Variants in GOT1 observed in about 807,000 individuals in gnomAD.
The protein encoded by GOT1 is aspartate aminotransferase, cytoplasmic.
In GOT1, 25 loss-of-function variants were observed where a neutral mutation model predicts 48.2. The observed-to-expected ratio is 0.52, with a 90% CI of 0.38 to 0.72. The LOEUF (loss-of-function observed/expected upper bound fraction) is 0.72, where lower values mean the gene tolerates loss of function less well. GOT1 is among the 30% of genes least tolerant of loss of function. The probability of loss-of-function intolerance (pLI) is 0.00; values close to 1 mark genes in which losing one functional copy is unlikely to be tolerated. For missense variants in GOT1, 380 were observed against 520.1 expected, an observed-to-expected ratio of 0.73 and a Z score of 2.62; for synonymous variants, 188 against 193.8, an observed-to-expected ratio of 0.97 and a Z score of 0.25.
At position 99,398,632 on chromosome 10, in the gene GOT1, C is replaced by G. The variant is rs189134022; in HGVS notation, c.1103-946G>C. ...GTTGCAGTGAGCCGAGATCACACCA[C>G]TGCACTCCAGCCTGGGTGACAGAGT... On this transcript the variant is annotated intron_variant, in intron 8 of 8. Coordinates refer to ENST00000370508, the MANE Select transcript of GOT1 (RefSeq NM_002079.3). Among the ~76,000 whole-genome samples the G allele has an allele frequency of 3.5e-4, 53 of 152,078 alleles. 1 individual carries two copies. In the East Asian group the frequency reaches 6.2e-3, roughly 18 times the overall value.
At chr10:99,399,197 G>C (rs2032639424) in intron 8 of GOT1, among the ~76,000 whole-genome samples, 1 of 152,176 alleles carries the variant, frequency 6.6e-6, no homozygotes, top group Non-Finnish European at 1.5e-5. Flanking sequence ...GCCCTCCCTT[G>C]TCCAGATCTA....
chr10:99,397,747 T>C lies in GOT1; in HGVS notation c.1103-61A>G. ...AGGGGATCCTTAAAGCAGTGGAGGC[T>C]CAGCAATTATATGACAATTACAGCT... On this transcript the variant is annotated intron_variant, in intron 8 of 8. Transcript: ENST00000370508. The surrounding 1 kb of genome is among the most constrained non-coding windows in gnomAD (Gnocchi z 5.4). 2.7e-6 allele frequency: 4 copies of C among 1,483,832 alleles called. No individual in the cohort carries two copies. The highest frequency in any genetic ancestry group is 1.7e-4 in the Middle Eastern group (1 of 5,764). 91.9% of individuals were successfully genotyped at this position (1,483,832 alleles called of 1,614,324 possible).
intron 1 of GOT1, 84 bp downstream of exon 1, chr10:99,430,364 C>T: frequency 6.2e-7 from 1 of 1,607,626 alleles, no homozygotes; most frequent in Non-Finnish European, 8.5e-7. Context: ...CACTGGGCCT[C>T]GGCTTCTCCC....
Position 99,402,733 on chromosome 10 carries a change from G to A in GOT1, c.960-11C>T. 1 of 1,611,722 alleles carries A rather than the reference G, an allele frequency of 6.2e-7. No individual in the cohort carries two copies. On this transcript the variant is annotated splice_polypyrimidine_tract_variant and intron_variant, in intron 7 of 8. Coordinates refer to ENST00000370508, the MANE Select transcript of GOT1 (RefSeq NM_002079.3). ...TTCACATTACCTGTCCTGAAGCATG[G>A]ACAGTGACGTAAATACCAATCCAGA...
At chr10:99,417,481 G>A (rs955653995) in intron 2 of GOT1, among the ~76,000 whole-genome samples, 2 of 152,208 alleles carry the variant, frequency 1.3e-5, no homozygotes, top group Non-Finnish European at 2.9e-5. Context: ...CACTGTTGGT[G>A]GGACTGTAAA....
At chr10:99,417,652 C>A (rs2032913138) in intron 2 of GOT1, among the ~76,000 whole-genome samples, 1 of 152,156 alleles carries the variant, frequency 6.6e-6, no homozygotes, top group Admixed American at 6.5e-5. Flanking sequence ...CAGCACTATT[C>A]ACAATAGCAA....
At chr10:99,427,565 G>A (rs1386368293) in intron 1 of GOT1, among the ~76,000 whole-genome samples, 4 of 152,182 alleles carry the variant, frequency 2.6e-5, no homozygotes, top group Admixed American at 2.0e-4. Flanking sequence ...CACCATGCCT[G>A]GCCCAGTAGA....
chr10:99,424,137 G>C (rs1006323780), intron 1 of GOT1, among the ~76,000 whole-genome samples: 7 of 152,248 alleles, frequency 4.6e-5, no homozygotes, highest in East Asian at 1.9e-4. Context: ...TGATCACAAC[G>C]TTACCATTGT....
intron 1 of GOT1, among the ~76,000 whole-genome samples, chr10:99,427,393 C>A (rs1450481435): frequency 6.6e-6 from 1 of 152,166 alleles, no homozygotes; most frequent in Non-Finnish European, 1.5e-5. Context: ...CTCAGCCTCC[C>A]GTGTAGCTGG....
chr10:99,406,723 C>G lies in GOT1; in HGVS notation c.424+3G>C. On this transcript the variant is annotated splice_donor_region_variant and intron_variant, in intron 3 of 8. Transcript: ENST00000370508. ...TTCCTCTCACTTCAGCTGAAAGACTCACCCCAGGTTGGTGAGGACACATAG... is the reference window on the plus strand; with the variant it reads ...TTCCTCTCACTTCAGCTGAAAGACTGACCCCAGGTTGGTGAGGACACATAG... 6.2e-7 allele frequency: 1 copy of G among 1,612,330 alleles called. No homozygotes were observed. Among genetic ancestry groups the G allele is most frequent in the Non-Finnish European group, 8.5e-7 (1 of 1,178,496 alleles).
At chr10:99,415,862 G>A (rs184432617) in intron 2 of GOT1, among the ~76,000 whole-genome samples, 1 of 152,268 alleles carries the variant, frequency 6.6e-6, no homozygotes, top group East Asian at 1.9e-4. Context: ...CTCAATAGAT[G>A]CAGAAAAGGC....
intron 2 of GOT1, among the ~76,000 whole-genome samples, chr10:99,412,138 G>A (rs2032834661): frequency 6.6e-6 from 1 of 152,094 alleles, no homozygotes; most frequent in African/African-American, 2.4e-5. Context: ...GAAGGGCCAG[G>A]CAAAGGTTCT....
chr10:99,406,764 T>C lies in GOT1; in HGVS notation c.386A>G (p.Asn129Ser), dbSNP rs1484129810. 6.2e-7 allele frequency: 1 copy of C among 1,614,022 alleles called. No homozygotes were observed. Among genetic ancestry groups the C allele is most frequent in the Non-Finnish European group, 8.5e-7 (1 of 1,179,928 alleles). The stretch of plus-strand genomic sequence containing the variant: ...GGACACATAGACAGGTGTGTTCTTG[T>C]TGTTTGTTCCATTGTACCAACGCGC... ...FLARWYNGTNNKNTPVYVSSP... is the reference protein window; with the variant it reads ...FLARWYNGTNSKNTPVYVSSP... Residue 129 changes from asparagine (N) to serine (S), a missense_variant, in exon 3 of 9, where the codon AAC (asparagine) becomes AGC (serine). Physicochemically the swap from Asn to Ser is conservative, Grantham distance 46. Coordinates refer to ENST00000370508, the MANE Select transcript of GOT1 (RefSeq NM_002079.3).
intron 8 of GOT1, among the ~76,000 whole-genome samples, chr10:99,400,214 T>A (rs2032653704): frequency 1.3e-5 from 2 of 152,268 alleles, no homozygotes; most frequent in South Asian, 2.1e-4. Context: ...TAAACGTACA[T>A]CCAGGGATTC....
At chr10:99,422,989 T>C (rs2032990743) in intron 1 of GOT1, among the ~76,000 whole-genome samples, 1 of 152,214 alleles carries the variant, frequency 6.6e-6, no homozygotes, top group Non-Finnish European at 1.5e-5. Flanking sequence ...TGCAAATATA[T>C]CTGTAAGATG....
intron 2 of GOT1, among the ~76,000 whole-genome samples, chr10:99,419,369 C>A (rs2032938320): frequency 6.6e-6 from 1 of 152,164 alleles, no homozygotes; most frequent in Non-Finnish European, 1.5e-5. Flanking sequence ...TTGGGTAACT[C>A]CTCTGCTCCA....
At chr10:99,402,489 G>A in intron 8 of GOT1, 91 bp downstream of exon 8, 3 of 1,411,298 alleles carry the variant, frequency 2.1e-6, no homozygotes, top group Admixed American at 3.5e-5. Context: ...GGCAAAGGCT[G>A]TGAAAGTGAG....
At chr10:99,400,541 G>A (rs1187566321) in intron 8 of GOT1, among the ~76,000 whole-genome samples, 2 of 152,140 alleles carry the variant, frequency 1.3e-5, no homozygotes, top group African/African-American at 2.4e-5. Context: ...GGACACTGAG[G>A]TGGAATGATC....
At chr10:99,398,968 T>C (rs550977026) in intron 8 of GOT1, among the ~76,000 whole-genome samples, 4 of 152,200 alleles carry the variant, frequency 2.6e-5, no homozygotes, top group Non-Finnish European at 5.9e-5. Context: ...GCCCCCGTGA[T>C]GCTACAGTGC....
Sources: gnomAD v4.1 joint callset for allele counts (sites outside exome capture counted in the v4.1 genomes callset) on GRCh38, gnomAD v4.1.1 for gene constraint, Gnocchi (gnomAD v3.1) non-coding constraint, MANE v1.5 for transcripts, NCBI Gene and HGNC (gene_info 2026-07-23, HGNC 2026-07-21) for gene names.